Variants in CACNA1A observed in about 807,000 individuals in gnomAD.
The protein encoded by CACNA1A is calcium voltage-gated channel subunit alpha1 A.
A neutral mutation model predicts 262.4 loss-of-function variants in CACNA1A; 57 were observed. The ratio of observed to expected loss-of-function variants is 0.22; its 90% CI spans 0.18 to 0.27. The LOEUF is 0.27. Ranked by LOEUF, CACNA1A falls within the 10% of genes least tolerant of loss-of-function variation. The pLI is 1.00. For synonymous variants in CACNA1A, 1,431 were observed against 1,419.3 expected, an observed-to-expected ratio of 1.01 and a Z score of -0.18; for missense variants, 2,526 against 3,562.8, an observed-to-expected ratio of 0.71 and a Z score of 7.41.
intron 38 of CACNA1A, among the ~76,000 whole-genome samples, chr19:13,216,464 A>G (rs1313227727): frequency 6.6e-6 from 1 of 151,828 alleles, no homozygotes; most frequent in Non-Finnish European, 1.5e-5. Flanking sequence ...CAGCCTCCTG[A>G]GTAGCTGGGA....
intron 3 of CACNA1A, among the ~76,000 whole-genome samples, chr19:13,423,785 G>A (rs1217291864): frequency 6.6e-6 from 1 of 152,120 alleles, no homozygotes; most frequent in African/African-American, 2.4e-5. Context: ...AAAGTGTTGG[G>A]ATTACAGGTG....
intron 34 of CACNA1A, among the ~76,000 whole-genome samples, chr19:13,232,062 T>C (rs2055681484): frequency 6.6e-6 from 1 of 152,172 alleles, no homozygotes; most frequent in Admixed American, 6.5e-5. Flanking sequence ...CAGAGAGCTT[T>C]GAAAAAATAC....
At chr19:13,229,983 G>C (rs2055603672) in intron 36 of CACNA1A, 99 bp downstream of exon 36, 1 of 1,369,514 alleles carries the variant, frequency 7.3e-7, no homozygotes. Flanking sequence ...TAGGACCCCA[G>C]GAGTTCAGTG....
rs531070158 is a variant in CACNA1A at position 13,456,806 on chromosome 19, G to A, written c.294-1594C>T. On this transcript the variant is annotated intron_variant, in intron 1 of 46. Coordinates refer to ENST00000360228, the MANE Select transcript of CACNA1A (RefSeq NM_001127222.2). Reference sequence around the variant, plus strand: ...TCAAATGGCCAATATGTACATGAGGGTATTAGTGATCAGGGAAGTGCAAAT... The same window carrying A: ...TCAAATGGCCAATATGTACATGAGGATATTAGTGATCAGGGAAGTGCAAAT... Among the ~76,000 whole-genome samples the A allele has an allele frequency of 2.0e-5, 3 of 152,298 alleles. No individual in the cohort carries two copies. In the East Asian group the frequency reaches 5.8e-4, roughly 29 times the overall value.
In CACNA1A at chr19:13,207,116, AG is replaced by A; in HGVS notation, c.*196del. ...TGGTTGGGGGGCGCCGTGGCTGCCCAGGAGGGTCTCTTTTGGCCGAGGGTCT... is the reference window on the plus strand; with the variant it reads ...TGGTTGGGGGGCGCCGTGGCTGCCCAGAGGGTCTCTTTTGGCCGAGGGTCT... On this transcript the variant is annotated 3_prime_UTR_variant, in exon 47 of 47. Coordinates refer to ENST00000360228, the MANE Select transcript of CACNA1A (RefSeq NM_001127222.2). This position sits in a 1 kb window ranked among gnomAD's most constrained non-coding sequence, Gnocchi z 5.7. The A allele has an allele frequency of 1.9e-6, 1 of 520,764 alleles. No homozygotes were observed. Among genetic ancestry groups the A allele is most frequent in the South Asian group, 2.8e-5 (1 of 35,216 alleles). The allele number at this position is 520,764 out of a possible 1,614,324, so 32.3% of individuals were successfully genotyped here. A position where few individuals can be genotyped will look rare whatever the true frequency, so the allele number is the denominator to read the frequency against.
At chr19:13,259,010 T>C (rs1277031078) in intron 27 of CACNA1A, 1 of 152,008 alleles carries the variant, frequency 6.6e-6, no homozygotes, top group East Asian at 1.9e-4. Flanking sequence ...CACAGCTCAC[T>C]GCAGCCTTGA....
At chr19:13,275,781 A>G (rs2057133052) in intron 24 of CACNA1A, 69 bp downstream of exon 24, 1 of 1,058,410 alleles carries the variant, frequency 9.4e-7, no homozygotes. Context: ...ATGTCCTGTA[A>G]TCCGATGTGT....
At chr19:13,265,809 G>A (rs1253035343) in intron 24 of CACNA1A, among the ~76,000 whole-genome samples, 1 of 151,584 alleles carries the variant, frequency 6.6e-6, no homozygotes, top group Non-Finnish European at 1.5e-5. Context: ...AGCCCAGCTT[G>A]AAGGCAACAA....
intron 1 of CACNA1A, among the ~76,000 whole-genome samples, chr19:13,484,205 T>C (rs1979702429): frequency 6.6e-6 from 1 of 152,178 alleles, no homozygotes; most frequent in African/African-American, 2.4e-5. Flanking sequence ...TAGTGTCGGT[T>C]TGGGTAACAA....
intron 6 of CACNA1A, among the ~76,000 whole-genome samples, chr19:13,338,692 T>C (rs1255184983): frequency 6.6e-6 from 1 of 152,142 alleles, no homozygotes; most frequent in East Asian, 1.9e-4. Context: ...AGGGGTACCC[T>C]TGCGGGGAGG....
intron 6 of CACNA1A, among the ~76,000 whole-genome samples, chr19:13,347,903 A>G (rs1242056377): frequency 6.6e-6 from 1 of 151,722 alleles, no homozygotes; most frequent in African/African-American, 2.4e-5. Context: ...ACACGCATTT[A>G]TTTATTTATT....
At chr19:13,327,780 C>T (rs1044693236) in intron 10 of CACNA1A, among the ~76,000 whole-genome samples, 2 of 152,084 alleles carry the variant, frequency 1.3e-5, no homozygotes, top group Non-Finnish European at 2.9e-5. Context: ...ACCATGTTGG[C>T]CAGGCTGGTC....
At position 13,312,790 on chromosome 19, in the gene CACNA1A, GAGA is replaced by G; in HGVS notation, c.1556-12_1556-10del. The G allele has an allele frequency of 7.0e-7, 1 of 1,435,596 alleles. No homozygotes were observed. Among genetic ancestry groups the G allele is most frequent in the Non-Finnish European group, 9.5e-7 (1 of 1,050,410 alleles). 88.9% of individuals were successfully genotyped at this position (1,435,596 alleles called of 1,614,324 possible). On this transcript the variant is annotated splice_polypyrimidine_tract_variant and intron_variant, in intron 11 of 46. Transcript: ENST00000360228. ...AATGAATTCTGCATAGTCTAGAAGG[GAGA>G]AGGAGGAAACAGAGAGGAGGTTAGG...
In CACNA1A at chr19:13,286,977, C is replaced by A; in HGVS notation, c.3090-11G>T. 1 of 1,558,548 alleles carries A rather than the reference C, an allele frequency of 6.4e-7. No homozygotes were observed. Among genetic ancestry groups the A allele is most frequent in the Admixed American group, 1.9e-5 (1 of 51,474 alleles). On this transcript the variant is annotated splice_polypyrimidine_tract_variant and intron_variant, in intron 19 of 46. Coordinates refer to ENST00000360228, the MANE Select transcript of CACNA1A (RefSeq NM_001127222.2). ...GAGCCCTGGTTCTCTCTGAGGAAGGCAAGTGAATGAAAAAGAACCAACAAC... is the reference window on the plus strand; with the variant it reads ...GAGCCCTGGTTCTCTCTGAGGAAGGAAAGTGAATGAAAAAGAACCAACAAC...
chr19:13,402,014 A>G (rs1016117923), intron 3 of CACNA1A, among the ~76,000 whole-genome samples: 11 of 152,208 alleles, frequency 7.2e-5, no homozygotes, highest in African/African-American at 2.2e-4. Flanking sequence ...TCACTCATGC[A>G]TACTCTTAAG....
intron 2 of CACNA1A, 117 bp downstream of exon 2, chr19:13,454,990 C>A (rs181040994): frequency 8.0e-4 from 487 of 608,142 alleles, no homozygotes; most frequent in Non-Finnish European, 1.3e-3. Context: ...TTAGGCTTCC[C>A]ATGATCTGGC....
chr19:13,290,903 T>C (rs1206317178), intron 19 of CACNA1A, among the ~76,000 whole-genome samples: 2 of 152,158 alleles, frequency 1.3e-5, no homozygotes, highest in Non-Finnish European at 2.9e-5. Flanking sequence ...AGGAATACCA[T>C]CTACCAAGAG....
Position 13,298,820 on chromosome 19 carries a change from C to G in CACNA1A, c.2813G>C (p.Gly938Ala). The G allele has an allele frequency of 1.3e-6, 2 of 1,570,826 alleles. No homozygotes were observed. The highest frequency in any genetic ancestry group is 1.2e-5 in the South Asian group (1 of 86,906). The part of the protein sequence containing the change: ...PHRRHVHRQG[G>A]SRESRSGSPR... Reference sequence around the variant, plus strand: ...GGACCCGCTGCGGCTCTCCCTGCTGCCCCCCTGCCGGTGCACGTGCCTCCG... The same window carrying G: ...GGACCCGCTGCGGCTCTCCCTGCTGGCCCCCTGCCGGTGCACGTGCCTCCG... Residue 938 changes from glycine to alanine, a missense_variant, in exon 19 of 47, where the codon GGC becomes GCC. Coordinates refer to ENST00000360228, the MANE Select transcript of CACNA1A (RefSeq NM_001127222.2).
At chr19:13,309,935 C>A (rs1230457223) in intron 12 of CACNA1A, among the ~76,000 whole-genome samples, 1 of 152,126 alleles carries the variant, frequency 6.6e-6, no homozygotes, top group African/African-American at 2.4e-5. Context: ...ACATTTTCAT[C>A]ACCCCCAAAG....
Sources: gnomAD v4.1 joint callset for allele counts (sites outside exome capture counted in the v4.1 genomes callset) on GRCh38, gnomAD v4.1.1 for gene constraint, Gnocchi (gnomAD v3.1) non-coding constraint, MANE v1.5 for transcripts, NCBI Gene and HGNC (gene_info 2026-07-23, HGNC 2026-07-21) for gene names.